The following STK33 variants were observed in gnomAD, a reference collection of about 807,000 sequenced individuals.
The protein encoded by STK33 is serine/threonine-protein kinase 33.
In STK33, 52 loss-of-function variants were observed where a neutral mutation model predicts 58.0. The observed-to-expected ratio is 0.90, with a 90% CI of 0.72 to 1.13. STK33 has a LOEUF of 1.13. STK33 is among the 50% of genes most tolerant of loss of function. The pLI is 0.00. For missense variants in STK33, 630 were observed against 604.2 expected (o/e 1.04, Z -0.45); for synonymous variants, 215 against 200.1 (o/e 1.07, Z -0.63).
chr11:8,536,615 C>A (rs537934023), intron 1 of STK33, among the ~76,000 whole-genome samples: 11 of 152,294 alleles, frequency 7.2e-5, no homozygotes, highest in African/African-American at 2.6e-4. Context: ...TGTTTAACAA[C>A]TGAAGTAGAA....
At chr11:8,462,564 T>G (rs2137330592) in intron 7 of STK33, among the ~76,000 whole-genome samples, 1 of 151,172 alleles carries the variant, frequency 6.6e-6, no homozygotes, top group African/African-American at 2.4e-5. Context: ...CCTGGTTAAC[T>G]GAGGGAGAAA....
rs1316049087 is a variant in STK33 at position 8,413,534 on chromosome 11, AG to A, written c.1304del (p.Pro435LeufsTer56). 1 of 1,614,050 alleles carries A rather than the reference AG, an allele frequency of 6.2e-7. No homozygotes were observed. The highest frequency in any genetic ancestry group is 2.2e-5 in the East Asian group (1 of 44,860). The stretch of plus-strand genomic sequence containing the variant: ...CTTCATCTGAAGTGTAATTGGCATC[AG>A]GGACATTTCCCCAGGGTTGGTAACT... ...LKSYQPWGNV[P>X]DANYTSDEEE... On this transcript the variant is annotated frameshift_variant, in exon 15 of 16. Coordinates refer to ENST00000687296, the MANE Select transcript of STK33 (RefSeq NM_001352389.2). LOFTEE classifies it low-confidence loss of function (END_TRUNC).
chr11:8,514,369 G>C (rs1565237726), intron 1 of STK33, among the ~76,000 whole-genome samples: 2 of 152,068 alleles, frequency 1.3e-5, no homozygotes, highest in Non-Finnish European at 1.5e-5. Flanking sequence ...TGGAAACTTA[G>C]CCATCGTGAA....
chr11:8,452,752 C>T, intron 11 of STK33, 70 bp downstream of exon 11: 3 of 1,381,240 alleles, frequency 2.2e-6, no homozygotes, highest in Non-Finnish European at 3.1e-6. Flanking sequence ...CATGCCACTG[C>T]ACTCCAGCCT....
At chr11:8,400,389 T>G (rs950658463) in intron 15 of STK33, among the ~76,000 whole-genome samples, 1 of 152,210 alleles carries the variant, frequency 6.6e-6, no homozygotes. Context: ...TCTCAATAGA[T>G]GCAGAAAAGG....
intron 1 of STK33, among the ~76,000 whole-genome samples, chr11:8,536,948 A>AT (rs1554987777): frequency 3.0e-4 from 18 of 59,494 alleles, no homozygotes; most frequent in East Asian, 1.5e-3. Context: ...TACCCAGCTA[A>AT]TTAAAAAAAA....
At chr11:8,442,162 G>A (rs2136456217) in intron 11 of STK33, among the ~76,000 whole-genome samples, 1 of 152,140 alleles carries the variant, frequency 6.6e-6, no homozygotes, top group East Asian at 1.9e-4. Context: ...GGGGTCAAAA[G>A]ATTAAACAGA....
chr11:8,348,027 G>C, the STK33 span, among the ~76,000 whole-genome samples: 1 of 152,204 alleles, frequency 6.6e-6, no homozygotes, highest in Non-Finnish European at 1.5e-5. Flanking sequence ...GAGAGGAGAA[G>C]AGACAATGCC....
intron 1 of STK33, among the ~76,000 whole-genome samples, chr11:8,491,201 G>T (rs1231157018): frequency 6.6e-6 from 1 of 152,164 alleles, no homozygotes; most frequent in Non-Finnish European, 1.5e-5. Flanking sequence ...CTTGAAAAAA[G>T]ATTAGACGAA....
intron 1 of STK33, among the ~76,000 whole-genome samples, chr11:8,535,160 C>T (rs547979942): frequency 6.6e-5 from 10 of 152,156 alleles, no homozygotes; most frequent in South Asian, 6.2e-4. Context: ...TACTGTCTTC[C>T]GATTTTTTCT....
intron 14 of STK33, among the ~76,000 whole-genome samples, chr11:8,424,596 G>C (rs1174264318): frequency 1.3e-5 from 2 of 151,114 alleles, no homozygotes; most frequent in Non-Finnish European, 3.0e-5. Flanking sequence ...CTAGTTTACA[G>C]TCCCACCAAC....
At chr11:8,439,101 T>A (rs1048934123) in intron 12 of STK33, among the ~76,000 whole-genome samples, 13 of 152,292 alleles carry the variant, frequency 8.5e-5, no homozygotes, top group Admixed American at 5.9e-4. Context: ...TAATGTTGCA[T>A]CAACATAAAA....
chr11:8,554,418 C>CAAAAAA (rs35967209), intron 1 of STK33, among the ~76,000 whole-genome samples: 1 of 58,716 alleles, frequency 1.7e-5, no homozygotes, highest in Non-Finnish European at 3.7e-5. Context: ...GACTCCATCT[C>CAAAAAA]AAAAAAAAAA....
chr11:8,530,383 G>A (rs1008430268), intron 1 of STK33, among the ~76,000 whole-genome samples: 8 of 151,508 alleles, frequency 5.3e-5, no homozygotes, highest in Non-Finnish European at 1.2e-4. Context: ...AGAAGAGAGG[G>A]TCCTGGTGGG....
At chr11:8,572,832 A>G (rs1957918788) in intron 1 of STK33, among the ~76,000 whole-genome samples, 1 of 152,160 alleles carries the variant, frequency 6.6e-6, no homozygotes, top group Admixed American at 6.5e-5. Context: ...ACTGCCGAAG[A>G]AAAAAATCAG....
chr11:8,376,036 A>C, the STK33 span, among the ~76,000 whole-genome samples: 1 of 152,206 alleles, frequency 6.6e-6, no homozygotes, highest in Admixed American at 6.5e-5. Flanking sequence ...CCAGACATAC[A>C]ACAGGGCAAA....
At chr11:8,562,436 G>A (rs372424221) in intron 1 of STK33, among the ~76,000 whole-genome samples, 10 of 152,092 alleles carry the variant, frequency 6.6e-5, no homozygotes, top group Non-Finnish European at 1.5e-4. Context: ...GTCCCAACAC[G>A]AAAACCTTAC....
At chr11:8,576,018 T>G (rs1034357901) in intron 1 of STK33, among the ~76,000 whole-genome samples, 1 of 152,022 alleles carries the variant, frequency 6.6e-6, no homozygotes, top group Non-Finnish European at 1.5e-5. Context: ...GAAGACTAAC[T>G]CAATCTAGTT....
At chr11:8,372,668 C>T in the STK33 span, among the ~76,000 whole-genome samples, 1 of 152,278 alleles carries the variant, frequency 6.6e-6, no homozygotes, top group African/African-American at 2.4e-5. Flanking sequence ...ACAGCCACAT[C>T]TTCTTCCCAA....
Sources: gnomAD v4.1 joint callset for allele counts (sites outside exome capture counted in the v4.1 genomes callset) on GRCh38, gnomAD v4.1.1 for gene constraint, MANE v1.5 for transcripts, NCBI Gene and HGNC (gene_info 2026-07-23, HGNC 2026-07-21) for gene names.